The following CRYL1 variants were observed in gnomAD, a reference collection of about 807,000 sequenced individuals.
The protein encoded by CRYL1 is lambda-crystallin homolog.
In CRYL1, 29 loss-of-function variants were observed where a neutral mutation model predicts 36.6. That is an observed-to-expected ratio of 0.79 (90% confidence interval 0.59 to 1.08). CRYL1 has a LOEUF of 1.08. Ranked by LOEUF, CRYL1 falls within the 50% of genes least tolerant of loss-of-function variation. CRYL1 has a pLI of 0.00. For missense variants in CRYL1, 411 were observed against 407.9 expected (o/e 1.01, Z -0.06); for synonymous variants, 152 against 151.5 (o/e 1.00, Z -0.02).
intron 3 of CRYL1, among the ~76,000 whole-genome samples, chr13:20,450,030 C>A: frequency 6.6e-6 from 1 of 152,202 alleles, no homozygotes; most frequent in East Asian, 1.9e-4. Flanking sequence ...AAAACATCTA[C>A]AGATTCAATG....
intron 4 of CRYL1, among the ~76,000 whole-genome samples, chr13:20,436,251 G>A (rs962826684): frequency 6.6e-6 from 1 of 152,116 alleles, no homozygotes; most frequent in Non-Finnish European, 1.5e-5. Context: ...GGTGGGCTCC[G>A]AAGACCCCAC....
At chr13:20,439,888 A>C in intron 3 of CRYL1, 134 bp from the exon 4 acceptor site, 1 of 812,476 alleles carries the variant, frequency 1.2e-6, no homozygotes, top group Non-Finnish European at 1.9e-6. Flanking sequence ...ATCCCAAAAT[A>C]TGGCAACTTG....
chr13:20,507,647 A>T (rs148538278), intron 2 of CRYL1, among the ~76,000 whole-genome samples: 1 of 152,188 alleles, frequency 6.6e-6, no homozygotes, highest in African/African-American at 2.4e-5. Flanking sequence ...GGCTGGGCAC[A>T]GTGGCTCACA....
At chr13:20,515,425 T>C (rs1431014942) in intron 1 of CRYL1, among the ~76,000 whole-genome samples, 1 of 152,144 alleles carries the variant, frequency 6.6e-6, no homozygotes, top group African/African-American at 2.4e-5. Context: ...TAAATTTTCA[T>C]AAGAGTGGAT....
chr13:20,435,417 C>T lies in CRYL1; in HGVS notation c.439-3121G>A, dbSNP rs1432669808. On this transcript the variant is annotated intron_variant, in intron 4 of 7. Coordinates refer to ENST00000298248, the MANE Select transcript of CRYL1 (RefSeq NM_015974.3). The surrounding 1 kb of genome is among the most constrained non-coding windows in gnomAD (Gnocchi z 4.0). ...CCATTCACACCGACTTCCATCCACA[C>T]CTCCGTGTCCACCTACGGAAGCCGC... Among the ~76,000 whole-genome samples, 1 of 152,124 alleles carries T rather than the reference C, an allele frequency of 6.6e-6. No individual in the cohort carries two copies. The highest frequency in any genetic ancestry group is 2.4e-5 in the African/African-American group (1 of 41,438).
intron 3 of CRYL1, among the ~76,000 whole-genome samples, chr13:20,478,651 A>AT (rs1161558496): frequency 6.6e-6 from 1 of 151,236 alleles, no homozygotes; most frequent in Non-Finnish European, 1.5e-5. Flanking sequence ...AATTTTTTGT[A>AT]TTTTTGGTAG....
Position 20,525,387 on chromosome 13 carries a change from TC to T in CRYL1, c.41+366del, listed in dbSNP as rs1158622310. The stretch of plus-strand genomic sequence containing the variant: ...GTCGTCGCAGGATCGCAGCCAGAAT[TC>T]GTTTCATTCAACACGGTGCCTGGCA... On this transcript the variant is annotated intron_variant, in intron 1 of 7. Coordinates refer to ENST00000298248, the MANE Select transcript of CRYL1 (RefSeq NM_015974.3). The surrounding 1 kb of genome is among the most constrained non-coding windows in gnomAD (Gnocchi z 4.3). Among the ~76,000 whole-genome samples, 1 of 152,192 alleles carries T rather than the reference TC, an allele frequency of 6.6e-6. No homozygotes were observed. The highest frequency in any genetic ancestry group is 1.5e-5 in the Non-Finnish European group (1 of 68,016).
intron 1 of CRYL1, among the ~76,000 whole-genome samples, chr13:20,515,975 TGAGGTCAG>T (rs2033990712): frequency 6.6e-6 from 1 of 152,118 alleles, no homozygotes. Context: ...GTGGATCACT[TGAGGTCAG>T]GAGATCAAGA....
intron 3 of CRYL1, among the ~76,000 whole-genome samples, chr13:20,466,187 G>C (rs1042818391): frequency 9.9e-5 from 15 of 152,118 alleles, no homozygotes; most frequent in African/African-American, 3.6e-4. Flanking sequence ...AATGCACTTG[G>C]ATATATGCCT....
chr13:20,404,727 A>G lies in CRYL1; in HGVS notation c.754T>C (p.Cys252Arg), dbSNP rs369395294. The G allele has an allele frequency of 1.2e-5, 19 of 1,611,638 alleles. No homozygotes were observed. In the African/African-American group the frequency reaches 2.4e-4, roughly 20 times the overall value. Residue 252 changes from cysteine (C) to arginine (R), a missense_variant, in exon 7 of 8, where the codon TGC becomes CGC. By Grantham distance (180) the Cys-to-Arg change is radical. Transcript: ENST00000298248. ...TTTATGCCTTCGCTGTATCTGTCGC[A>G]GTAGCTTAACATACCTGGAATTGTA... Reference protein sequence around the residue: ...HLNAEGMLSYCDRYSEGIKHV... With the variant: ...HLNAEGMLSYRDRYSEGIKHV...
chr13:20,434,067 A>G (rs777378892), intron 4 of CRYL1, among the ~76,000 whole-genome samples: 4 of 152,202 alleles, frequency 2.6e-5, no homozygotes, highest in Non-Finnish European at 5.9e-5. Flanking sequence ...GACTTGTCTC[A>G]TGTGGGTTAT....
At chr13:20,429,991 C>A (rs2032020066) in intron 5 of CRYL1, among the ~76,000 whole-genome samples, 1 of 152,076 alleles carries the variant, frequency 6.6e-6, no homozygotes, top group Non-Finnish European at 1.5e-5. Context: ...CACGACAAGC[C>A]CCCTCCTCCT....
chr13:20,492,390 A>G (rs1395817178), intron 2 of CRYL1, among the ~76,000 whole-genome samples: 7 of 152,236 alleles, frequency 4.6e-5, no homozygotes, highest in African/African-American at 1.7e-4. Context: ...AGTGGCTTAA[A>G]CAATACAAAT....
intron 2 of CRYL1, among the ~76,000 whole-genome samples, chr13:20,499,345 CAA>C (rs34461619): frequency 1.9e-4 from 22 of 114,572 alleles, no homozygotes; most frequent in East Asian, 2.5e-4. Context: ...GACCCTGTCT[CAA>C]AAAAAAAAAA....
intron 1 of CRYL1, among the ~76,000 whole-genome samples, chr13:20,523,494 T>C (rs907420994): frequency 1.3e-5 from 2 of 152,184 alleles, no homozygotes; most frequent in African/African-American, 4.8e-5. Context: ...AATTGAAATA[T>C]GTATATTTTG....
chr13:20,462,465 A>G (rs1183850245), intron 3 of CRYL1, among the ~76,000 whole-genome samples: 2 of 148,984 alleles, frequency 1.3e-5, no homozygotes, highest in African/African-American at 5.0e-5. Context: ...TTGACTTGCC[A>G]GTGTGAATAT....
At chr13:20,521,582 T>C (rs1013448494) in intron 1 of CRYL1, among the ~76,000 whole-genome samples, 1 of 152,164 alleles carries the variant, frequency 6.6e-6, no homozygotes, top group Non-Finnish European at 1.5e-5. Flanking sequence ...GCGATAGAGG[T>C]AATTCAATGC....
At chr13:20,420,354 C>G (rs2031771941) in intron 5 of CRYL1, among the ~76,000 whole-genome samples, 1 of 152,118 alleles carries the variant, frequency 6.6e-6, no homozygotes, top group Non-Finnish European at 1.5e-5. Context: ...CTCTGGGAGG[C>G]ATCTCAGCTA....
At chr13:20,417,156 TC>T (rs1316806602) in intron 5 of CRYL1, among the ~76,000 whole-genome samples, 4 of 152,326 alleles carry the variant, frequency 2.6e-5, no homozygotes, top group African/African-American at 9.6e-5. Context: ...TTTGAGTTTC[TC>T]CCTGCTGCAC....
Sources: gnomAD v4.1 joint callset for allele counts (sites outside exome capture counted in the v4.1 genomes callset) on GRCh38, gnomAD v4.1.1 for gene constraint, Gnocchi (gnomAD v3.1) non-coding constraint, MANE v1.5 for transcripts, NCBI Gene and HGNC (gene_info 2026-07-23, HGNC 2026-07-21) for gene names.